FAM120C: variants seen among roughly 807,000 people sequenced by gnomAD.
FAM120C encodes constitutive coactivator of PPAR-gamma-like protein 2.
A neutral mutation model predicts 71.2 loss-of-function variants in FAM120C; 14 were observed. That is an observed-to-expected ratio of 0.20 (90% CI 0.13 to 0.31). The LOEUF (loss-of-function observed/expected upper bound fraction) is 0.31. Ranked by LOEUF, FAM120C falls within the 10% of genes least tolerant of loss-of-function variation. The pLI, the probability that FAM120C is intolerant of heterozygous loss-of-function variation, is 1.00. For synonymous variants in FAM120C, 354 were observed against 353.2 expected, an observed-to-expected ratio of 1.00 and a Z score of -0.03; for missense variants, 500 against 879.0, an observed-to-expected ratio of 0.57 and a Z score of 5.45.
In FAM120C at chrX:54,183,139, G is replaced by C; in HGVS notation, c.60C>G (p.Pro20=). The C allele has an allele frequency of 1.7e-6, 2 of 1,152,749 alleles. No individual in the cohort carries two copies. Among genetic ancestry groups the C allele is most frequent in the Non-Finnish European group, 2.3e-6 (2 of 868,101 alleles). The allele number at this position is 1,152,749 out of a possible 1,213,427, so 95.0% of individuals were successfully genotyped here. A position where few individuals can be genotyped will look rare whatever the true frequency, so the allele number is the denominator to read the frequency against. ...TGCGCGCGAGTTTTAGGAGGTCCACGGGCACCACGGCCCCGGGACAGCGCT... is the reference window on the plus strand; with the variant it reads ...TGCGCGCGAGTTTTAGGAGGTCCACCGGCACCACGGCCCCGGGACAGCGCT... ...LEKRCPGAVV[P]VDLLKLARTV... is the part of the protein sequence containing the mutation. Residue 20 remains proline, a synonymous_variant, in exon 1 of 16, where the codon CCC becomes CCG. Coordinates refer to ENST00000375180, the MANE Select transcript of FAM120C (RefSeq NM_017848.6).
At chrX:54,175,905 T>C (rs978776965) in intron 1 of FAM120C, among the ~76,000 whole-genome samples, 1 of 111,750 alleles carries the variant, frequency 8.9e-6, no homozygotes, top group Non-Finnish European at 1.9e-5. Context: ...AGGCCTGTGT[T>C]GTCAGCCATT....
intron 15 of FAM120C, among the ~76,000 whole-genome samples, chrX:54,078,176 C>T (rs1196489254): frequency 9.4e-6 from 1 of 106,335 alleles, no homozygotes; most frequent in Non-Finnish European, 1.9e-5. Flanking sequence ...ATCTCCTGAC[C>T]TCGTGATCCG....
chrX:54,111,538 T>C (rs1403028963), intron 10 of FAM120C, among the ~76,000 whole-genome samples: 11 of 17,696 alleles, frequency 6.2e-4, no homozygotes, highest in African/African-American at 8.8e-4. Context: ...CCATTTACAA[T>C]AGCTACAAAA....
At chrX:54,078,338 T>C (rs2066747420) in intron 15 of FAM120C, among the ~76,000 whole-genome samples, 1 of 111,233 alleles carries the variant, frequency 9.0e-6, no homozygotes, top group African/African-American at 3.3e-5. Flanking sequence ...AAGGCTATAC[T>C]ACCTTACGAG....
chrX:54,085,601 G>A, intron 13 of FAM120C, 114 bp downstream of exon 13: 2 of 646,652 alleles, frequency 3.1e-6, no homozygotes, highest in African/African-American at 2.3e-5. Context: ...AAAAAAAAAA[G>A]TCAATGAGAT....
Position 54,182,890 on chromosome X carries a change from A to G in FAM120C, c.309T>C (p.Pro103=). 1 of 1,111,566 alleles carries G rather than the reference A, an allele frequency of 9.0e-7. No individual in the cohort carries two copies. The highest frequency in any genetic ancestry group is 1.2e-6 in the Non-Finnish European group (1 of 838,776). 91.6% of individuals were successfully genotyped at this position (1,111,566 alleles called of 1,213,427 possible). ...HHGQAQPGLH[P]PLPPPPPPQL... ...GAGGGGGCGGCGGCGGCGGCAGCGG[A>G]GGGTGCAGCCCGGGCTGCGCTTGGC... The change falls in exon 1 of 16, where the codon CCT becomes CCC. Residue 103 remains proline, a synonymous_variant. Transcript: ENST00000375180.
chrX:54,086,387 G>A (rs781914620), intron 12 of FAM120C, among the ~76,000 whole-genome samples: 1 of 112,161 alleles, frequency 8.9e-6, no homozygotes, highest in African/African-American at 3.2e-5. Flanking sequence ...AAAAGGGTCA[G>A]ATAGTAAATA....
At chrX:54,179,562 C>T (rs2067336344) in intron 1 of FAM120C, among the ~76,000 whole-genome samples, 1 of 112,120 alleles carries the variant, frequency 8.9e-6, no homozygotes, top group Admixed American at 9.4e-5. Flanking sequence ...TTCTTTATCA[C>T]TCCAGTAACA....
intron 9 of FAM120C, among the ~76,000 whole-genome samples, chrX:54,128,476 C>CTT (rs781959439): frequency 9.9e-6 from 1 of 101,163 alleles, no homozygotes; most frequent in Non-Finnish European, 2.0e-5. Context: ...CCTTTGCCTA[C>CTT]TTTTTTTTTT....
At chrX:54,111,019 C>T (rs1291545764) in intron 10 of FAM120C, among the ~76,000 whole-genome samples, 1 of 108,660 alleles carries the variant, frequency 9.2e-6, no homozygotes, top group Admixed American at 9.9e-5. Flanking sequence ...GAGATCAAGC[C>T]ACTGCACTCC....
chrX:54,092,302 G>A (rs1225485069), intron 10 of FAM120C, among the ~76,000 whole-genome samples: 9 of 111,079 alleles, frequency 8.1e-5, no homozygotes, highest in Non-Finnish European at 1.7e-4. Context: ...CTAGCACTTT[G>A]GGAGGCTGAG....
chrX:54,097,437 GA>G (rs1333401464), intron 10 of FAM120C, among the ~76,000 whole-genome samples: 15 of 111,562 alleles, frequency 1.3e-4, no homozygotes, highest in African/African-American at 3.6e-4. Flanking sequence ...ATCTCTACCA[GA>G]AAATAAAAAA....
chrX:54,076,074 C>T (rs1181257813), intron 15 of FAM120C, among the ~76,000 whole-genome samples: 2 of 107,854 alleles, frequency 1.9e-5, no homozygotes, highest in Non-Finnish European at 3.8e-5. Context: ...GATTGTGCCA[C>T]TGCACTGCAG....
chrX:54,081,091 A>G (rs948349179), intron 14 of FAM120C, among the ~76,000 whole-genome samples: 4 of 109,772 alleles, frequency 3.6e-5, no homozygotes, highest in Middle Eastern at 4.6e-3. Context: ...GGATCACTTG[A>G]ACTCGGGAGG....
chrX:54,168,206 G>A (rs1431766278), intron 1 of FAM120C, among the ~76,000 whole-genome samples: 7 of 111,177 alleles, frequency 6.3e-5, no homozygotes, highest in Non-Finnish European at 9.4e-5. Context: ...GTGGGATCAC[G>A]GCTCACTGCA....
chrX:54,104,731 C>A (rs186160853), intron 10 of FAM120C, among the ~76,000 whole-genome samples: 2 of 109,140 alleles, frequency 1.8e-5, no homozygotes, highest in Admixed American at 2.0e-4. Context: ...TCGCTTGAAC[C>A]TGGGAGGCGG....
Position 54,151,272 on chromosome X carries a change from A to C in FAM120C, c.1131T>G (p.Val377=). 8.3e-7 allele frequency: 1 copy of C among 1,210,999 alleles called. No homozygotes were observed. Among genetic ancestry groups the C allele is most frequent in the East Asian group, 3.0e-5 (1 of 33,794 alleles). Residue 377 remains valine, a synonymous_variant, in exon 4 of 16, where the codon GTT becomes GTG. Transcript: ENST00000375180. The part of the protein sequence containing the change: ...SIKDPSNLDV[V]GKDVFKQSQS... ...GAGACTGTTTGAAAACATCCTTCCC[A>C]ACTACATCCAGGTTTGAGGGATCTT... is the stretch of plus-strand genomic sequence containing the variant.
At chrX:54,083,614 G>A (rs782353367) in intron 13 of FAM120C, among the ~76,000 whole-genome samples, 66 of 110,650 alleles carry the variant, frequency 6.0e-4, no homozygotes, top group African/African-American at 2.1e-3. Flanking sequence ...CAGCCTGGGC[G>A]ACAGAGTGAG....
At chrX:54,078,450 T>C (rs1569531363) in intron 15 of FAM120C, among the ~76,000 whole-genome samples, 1 of 112,074 alleles carries the variant, frequency 8.9e-6, no homozygotes, top group African/African-American at 3.2e-5. Context: ...CCAAAGTCAC[T>C]GTTCTCTAGC....
Sources: allele counts gnomAD v4.1 joint callset (sites outside exome capture counted in the v4.1 genomes callset), GRCh38; gene constraint gnomAD v4.1.1; transcripts MANE v1.5; gene names NCBI Gene and HGNC (gene_info 2026-07-23, HGNC 2026-07-21).